Variants in ZRSR2 observed in about 807,000 individuals in gnomAD.
ZRSR2 encodes U2 small nuclear ribonucleoprotein auxiliary factor 35 kDa subunit-related protein 2.
ZRSR2 carries 3 observed loss-of-function variants against 39.4 expected under a neutral mutation model. The ratio of observed to expected loss-of-function variants is 0.08; its 90% CI spans 0.03 to 0.20. The LOEUF (loss-of-function observed/expected upper bound fraction) is 0.20. Among genes scored for constraint, ZRSR2 ranks in the 10% least tolerant of loss-of-function variants. The probability of loss-of-function intolerance (pLI) is 1.00; values close to 1 mark genes in which losing one functional copy is unlikely to be tolerated. For missense variants in ZRSR2, 256 were observed against 391.5 expected, an observed-to-expected ratio of 0.65 and a Z score of 2.92; for synonymous variants, 137 against 136.0, an observed-to-expected ratio of 1.01 and a Z score of -0.05.
intron 5 of ZRSR2, among the ~76,000 whole-genome samples, chrX:15,807,282 C>CGTTT (rs1248141922): frequency 2.7e-5 from 3 of 110,742 alleles, no homozygotes; most frequent in Non-Finnish European, 5.7e-5. Context: ...TGGGTTTTTT[C>CGTTT]GTTTGTTTGT....
At chrX:15,797,676 C>T (rs1457972630) in intron 2 of ZRSR2, among the ~76,000 whole-genome samples, 3 of 109,560 alleles carry the variant, frequency 2.7e-5, no homozygotes, top group South Asian at 3.9e-4. Context: ...TTGCAAATAT[C>T]CCCTAAATGT....
chrX:15,814,877 A>G (rs952755103), intron 7 of ZRSR2, among the ~76,000 whole-genome samples: 4 of 112,279 alleles, frequency 3.6e-5, no homozygotes, highest in African/African-American at 1.3e-4. Flanking sequence ...CACAGATCAG[A>G]TTGAATTGCT....
intron 3 of ZRSR2, among the ~76,000 whole-genome samples, chrX:15,800,337 C>T (rs1932632172): frequency 9.2e-6 from 1 of 108,416 alleles, no homozygotes; most frequent in Admixed American, 9.9e-5. Context: ...CAGGTGTGCA[C>T]CACCACACCC....
intron 10 of ZRSR2, among the ~76,000 whole-genome samples, chrX:15,821,900 G>A (rs1933116210): frequency 9.0e-6 from 1 of 111,255 alleles, no homozygotes; most frequent in South Asian, 3.8e-4. Flanking sequence ...AGAATCTTCT[G>A]TATTAAAAGC....
At chrX:15,812,182 G>A (rs1932896825) in intron 7 of ZRSR2, among the ~76,000 whole-genome samples, 1 of 111,824 alleles carries the variant, frequency 8.9e-6, no homozygotes, top group Non-Finnish European at 1.9e-5. Flanking sequence ...GCCCGCCTCG[G>A]CCTCCCAAAG....
chrX:15,801,375 C>T (rs748963804), intron 3 of ZRSR2: 23 of 297,856 alleles, frequency 7.7e-5, no homozygotes, highest in African/African-American at 3.9e-4. Context: ...ATTACAGGCA[C>T]GCACCGCCAC....
intron 5 of ZRSR2, among the ~76,000 whole-genome samples, chrX:15,807,644 T>C (rs1932816192): frequency 9.0e-6 from 1 of 111,223 alleles, no homozygotes; most frequent in African/African-American, 3.3e-5. Context: ...GGACATGGTA[T>C]ATATACTCAA....
At chrX:15,798,218 A>C (rs980630138) in intron 2 of ZRSR2, among the ~76,000 whole-genome samples, 1 of 112,361 alleles carries the variant, frequency 8.9e-6, no homozygotes, top group Non-Finnish European at 1.9e-5. Flanking sequence ...TTTTTTCTTT[A>C]AGCCTGACAT....
In ZRSR2 at chrX:15,819,171, T is replaced by C. The variant is rs1387303530; in HGVS notation, c.827+529T>C. On this transcript the variant is annotated intron_variant, in intron 9 of 10. Coordinates refer to ENST00000307771, the MANE Select transcript of ZRSR2 (RefSeq NM_005089.4). ...TAAGAGTTGAAACAGAAATATAGAA[T>C]GGATGTGAAAATAATATAAGCCGGG... 6.3e-5 allele frequency among the ~76,000 whole-genome samples: 7 copies of C among 111,219 alleles called. No homozygotes were observed. The Admixed American group carries it at 6.7e-4, about 11-fold the overall frequency.
At chrX:15,810,415 C>T (rs951160790) in intron 7 of ZRSR2, among the ~76,000 whole-genome samples, 1 of 111,661 alleles carries the variant, frequency 9.0e-6, no homozygotes, top group African/African-American at 3.3e-5. Context: ...AAGATCTAAT[C>T]ATAACCTTAA....
intron 10 of ZRSR2, among the ~76,000 whole-genome samples, chrX:15,821,597 G>T (rs1397584038): frequency 1.8e-5 from 2 of 110,397 alleles, no homozygotes; most frequent in African/African-American, 3.3e-5. Context: ...AATACAAGTT[G>T]TAAATTTTGA....
intron 7 of ZRSR2, among the ~76,000 whole-genome samples, chrX:15,812,145 G>C (rs1213924492): frequency 1.8e-5 from 2 of 110,574 alleles, no homozygotes; most frequent in Non-Finnish European, 3.8e-5. Flanking sequence ...TAGCCAGGAT[G>C]GTCTCGATCT....
chrX:15,796,858 AT>A (rs1170899629), intron 2 of ZRSR2, among the ~76,000 whole-genome samples: 1 of 86,539 alleles, frequency 1.2e-5, no homozygotes, highest in Non-Finnish European at 2.1e-5. Context: ...CAGTGGTGCA[AT>A]TTCGGCTCAC....
chrX:15,820,153 A>G (rs941329071), intron 9 of ZRSR2, 54 bp from the exon 10 acceptor site: 2 of 984,194 alleles, frequency 2.0e-6, no homozygotes, highest in African/African-American at 1.9e-5. Context: ...AGTAGAGCTA[A>G]TCTACATATT....
At chrX:15,819,177 T>A (rs1164692544) in intron 9 of ZRSR2, among the ~76,000 whole-genome samples, 1 of 111,019 alleles carries the variant, frequency 9.0e-6, no homozygotes, top group African/African-American at 3.3e-5. Context: ...AGAATGGATG[T>A]GAAAATAATA....
chrX:15,790,734 G>T, intron 1 of ZRSR2, 198 bp downstream of exon 1: 2 of 645,834 alleles, frequency 3.1e-6, no homozygotes, highest in Non-Finnish European at 4.8e-6. Flanking sequence ...AGAGGATCAG[G>T]TTGGCGGATG....
In ZRSR2 at chrX:15,804,129, T is replaced by C; in HGVS notation, c.331T>C (p.Trp111Arg). The C allele has an allele frequency of 1.7e-6, 2 of 1,189,363 alleles. No individual in the cohort carries two copies. Among genetic ancestry groups the C allele is most frequent in the Non-Finnish European group, 2.3e-6 (2 of 887,973 alleles). ...TTTAAAGAGAAAGTTAAAGGAACAATGGGAAGAACAGCAGAGGAAAGAGAG... is the reference window on the plus strand; with the variant it reads ...TTTAAAGAGAAAGTTAAAGGAACAACGGGAAGAACAGCAGAGGAAAGAGAG... The part of the protein sequence containing the change: ...EEQERKLKEQ[W>R]EEQQRKEREE... Residue 111 changes from tryptophan to arginine, a missense_variant, in exon 5 of 11, where the codon TGG becomes CGG. By Grantham distance (101) the Trp-to-Arg change is moderately radical. This residue lies in a region of ZRSR2 where 87 missense variants were observed against 111.7 expected (regional missense o/e 0.78). Transcript: ENST00000307771.
At chrX:15,822,661 C>T (rs1200614981) in intron 10 of ZRSR2, 70 bp from the exon 11 acceptor site, 11 of 1,199,135 alleles carry the variant, frequency 9.2e-6, no homozygotes, top group Non-Finnish European at 1.0e-5. Flanking sequence ...AATGTACCTT[C>T]GGAAAAGGAT....
chrX:15,797,722 A>G (rs749087891), intron 2 of ZRSR2, among the ~76,000 whole-genome samples: 2 of 111,435 alleles, frequency 1.8e-5, no homozygotes, highest in South Asian at 3.8e-4. Context: ...CTGTATTTAA[A>G]TAGACCAAGG....
Sources: gnomAD v4.1 joint callset for allele counts (sites outside exome capture counted in the v4.1 genomes callset) on GRCh38, gnomAD v4.1.1 for gene constraint, gnomAD v4.1.1 regional missense constraint, MANE v1.5 for transcripts, NCBI Gene and HGNC (gene_info 2026-07-23, HGNC 2026-07-21) for gene names.